The following GNG2 variants were observed in gnomAD, a reference collection of about 807,000 sequenced individuals.
GNG2 encodes guanine nucleotide-binding protein G(I)/G(S)/G(O) subunit gamma-2.
In GNG2, 5 loss-of-function variants were observed where a neutral mutation model predicts 5.5. The observed-to-expected ratio is 0.91, with a 90% CI of 0.48 to 1.92. The LOEUF (loss-of-function observed/expected upper bound fraction) is 1.92, where lower values mean the gene tolerates loss of function less well. Ranked by LOEUF, GNG2 falls within the 30% of genes most tolerant of loss-of-function variation. The probability of loss-of-function intolerance (pLI) is 0.01; values close to 1 mark genes in which losing one functional copy is unlikely to be tolerated. For synonymous variants in GNG2, 28 were observed against 32.0 expected (o/e 0.88, Z 0.42); for missense variants, 55 against 88.4 (o/e 0.62, Z 1.52).
At chr14:51,877,497 A>G in intron 1 of GNG2, 120 bp from the exon 2 acceptor site, 4 of 411,296 alleles carry the variant, frequency 9.7e-6, no homozygotes, top group South Asian at 7.2e-5. Flanking sequence ...CCTTATAACT[A>G]TATTGCCATT....
intron 2 of GNG2, chr14:51,917,189 T>C (rs1299866221): frequency 2.7e-6 from 1 of 366,502 alleles, no homozygotes; most frequent in Non-Finnish European, 5.4e-6. Context: ...TGATATCTCA[T>C]TTCTGAAATT....
At chr14:51,929,071 G>A (rs911186570) in intron 2 of GNG2, among the ~76,000 whole-genome samples, 2 of 152,310 alleles carry the variant, frequency 1.3e-5, no homozygotes, top group Non-Finnish European at 2.9e-5. Flanking sequence ...CCAAGCAACC[G>A]AGGTTACTGA....
intron 1 of GNG2, among the ~76,000 whole-genome samples, chr14:51,871,290 TTAAAA>T (rs1883276854): frequency 6.7e-6 from 1 of 148,830 alleles, no homozygotes; most frequent in Non-Finnish European, 1.5e-5. Flanking sequence ...TCTTTTAAAA[TTAAAA>T]TAAGAAAAAT....
chr14:51,896,429 T>C (rs1885197438), intron 2 of GNG2, among the ~76,000 whole-genome samples: 1 of 152,328 alleles, frequency 6.6e-6, no homozygotes, highest in South Asian at 2.1e-4. Flanking sequence ...TGAATAGGTG[T>C]CTTTCTGACT....
At chr14:51,958,970 A>G (rs1354950766) in intron 3 of GNG2, among the ~76,000 whole-genome samples, 1 of 152,184 alleles carries the variant, frequency 6.6e-6, no homozygotes, top group Non-Finnish European at 1.5e-5. Flanking sequence ...TTTAATAGTT[A>G]CTAGTTTTCA....
upstream of GNG2, chr14:51,860,402 C>T (rs1236873793): frequency 1.3e-5 from 2 of 152,864 alleles, no homozygotes; most frequent in African/African-American, 2.4e-5. Flanking sequence ...CAGACAGCAC[C>T]AGAGGGACTT....
intron 2 of GNG2, among the ~76,000 whole-genome samples, chr14:51,833,306 T>A (rs1243146619): frequency 6.6e-6 from 1 of 152,184 alleles, no homozygotes; most frequent in African/African-American, 2.4e-5. Context: ...TCTATGAAAA[T>A]CTTCATCTTT....
chr14:51,966,227 A>AAAAAAAAAAC (rs1889896191), intron 3 of GNG2, among the ~76,000 whole-genome samples: 1 of 148,842 alleles, frequency 6.7e-6, no homozygotes, highest in African/African-American at 2.5e-5. Context: ...AAAAAAAAAA[A>AAAAAAAAAAC]AAAAAAAAAA....
intron 2 of GNG2, among the ~76,000 whole-genome samples, chr14:51,834,935 T>C (rs1339938888): frequency 6.6e-6 from 1 of 152,212 alleles, no homozygotes; most frequent in Non-Finnish European, 1.5e-5. Flanking sequence ...CGCTTCTATA[T>C]AAATGAATAA....
intron 2 of GNG2, among the ~76,000 whole-genome samples, chr14:51,903,355 C>A (rs1885685372): frequency 6.6e-6 from 1 of 152,208 alleles, no homozygotes; most frequent in African/African-American, 2.4e-5. Flanking sequence ...AGGCTCCAAG[C>A]AACCTAACCC....
At chr14:51,885,480 T>C (rs1884384901) in intron 2 of GNG2, among the ~76,000 whole-genome samples, 1 of 152,130 alleles carries the variant, frequency 6.6e-6, no homozygotes, top group South Asian at 2.1e-4. Flanking sequence ...TTTCAAATAC[T>C]CTTTTAAGTT....
intron 2 of GNG2, among the ~76,000 whole-genome samples, chr14:51,935,081 G>T (rs923573541): frequency 2.1e-5 from 3 of 143,434 alleles, no homozygotes; most frequent in African/African-American, 5.2e-5. Flanking sequence ...CCGCAGTGCA[G>T]TGGCGCAATC....
At chr14:51,920,448 T>C (rs1770599263) in intron 2 of GNG2, among the ~76,000 whole-genome samples, 1 of 151,914 alleles carries the variant, frequency 6.6e-6, no homozygotes, top group South Asian at 2.1e-4. Context: ...AAAAAGTCTG[T>C]ACATATTCAG....
chr14:51,844,513 C>CTG (rs138036440), intron 2 of GNG2, among the ~76,000 whole-genome samples: 253 of 150,464 alleles, frequency 1.7e-3, no homozygotes, highest in Middle Eastern at 0.014. Flanking sequence ...GTTGACAGCC[C>CTG]TGTGTGTGTG....
chr14:51,849,485 G>A (rs71422040), intron 2 of GNG2, among the ~76,000 whole-genome samples: 5,500 of 152,306 alleles, frequency 0.036, 161 homozygotes, highest in Non-Finnish European at 0.052. Flanking sequence ...AAAGCAAAGT[G>A]GAGAATGAAT....
rs566869348 is a variant in GNG2 at position 51,872,463 on chromosome 14, C to CAT, written c.-70-5147_-70-5146dup. Among the ~76,000 whole-genome samples the CAT allele has an allele frequency of 7.1e-3, 1,084 of 152,206 alleles. 9 individuals are homozygous for CAT. The highest frequency in any genetic ancestry group is 0.011 in the Non-Finnish European group (749 of 68,012). ...GAAATCAACATATCAAAATTACTAG[C>CAT]ATATATATGTTTTATTTTTTGTTGT... is the stretch of plus-strand genomic sequence containing the variant. On this transcript the variant is annotated intron_variant, in intron 1 of 3. Transcript: ENST00000556766.
chr14:51,962,872 C>A (rs1889695241), intron 3 of GNG2, among the ~76,000 whole-genome samples: 1 of 152,158 alleles, frequency 6.6e-6, no homozygotes, highest in Non-Finnish European at 1.5e-5. Flanking sequence ...AGGAAGACAG[C>A]CACAGGTTAG....
At chr14:51,872,106 T>A (rs1379584657) in intron 1 of GNG2, among the ~76,000 whole-genome samples, 1 of 152,234 alleles carries the variant, frequency 6.6e-6, no homozygotes, top group Non-Finnish European at 1.5e-5. Context: ...AAAGAGCATC[T>A]CTGCTAAACC....
intron 2 of GNG2, among the ~76,000 whole-genome samples, chr14:51,879,573 T>C (rs1262652605): frequency 6.6e-6 from 1 of 152,166 alleles, no homozygotes; most frequent in Non-Finnish European, 1.5e-5. Flanking sequence ...AAGCAAAATA[T>C]CAACAAGACT....
Sources: gnomAD v4.1 joint callset for allele counts (sites outside exome capture counted in the v4.1 genomes callset) on GRCh38, gnomAD v4.1.1 for gene constraint, MANE v1.5 for transcripts, NCBI Gene and HGNC (gene_info 2026-07-23, HGNC 2026-07-21) for gene names.